The following ZBTB47 variants were observed in gnomAD, a reference collection of about 807,000 sequenced individuals.
ZBTB47 encodes zinc finger and BTB domain-containing protein 47.
ZBTB47 carries 24 observed loss-of-function variants against 56.6 expected under a neutral mutation model. That is an observed-to-expected ratio of 0.42 (90% confidence interval 0.31 to 0.60). The LOEUF is 0.60. Among genes scored for constraint, ZBTB47 ranks in the 20% least tolerant of loss-of-function variants. The pLI is 0.14. For missense variants in ZBTB47, 829 were observed against 1,032.6 expected (o/e 0.80, Z 2.70); for synonymous variants, 414 against 418.9 (o/e 0.99, Z 0.14).
At chr3:42,661,819 G>C (rs996355323) in intron 3 of ZBTB47, among the ~76,000 whole-genome samples, 187 bp downstream of exon 3, 1 of 152,266 alleles carries the variant, frequency 6.6e-6, no homozygotes, top group Non-Finnish European at 1.5e-5. Flanking sequence ...GCCAGGGCTG[G>C]CATGTACAGT....
At position 42,654,590 on chromosome 3, in the gene ZBTB47, C is replaced by T; in HGVS notation, c.-82+707C>T. 1 of 793,280 alleles carries T rather than the reference C, an allele frequency of 1.3e-6. No individual in the cohort carries two copies. Among genetic ancestry groups the T allele is most frequent in the Non-Finnish European group, 1.5e-6 (1 of 655,986 alleles). The allele number at this position is 793,280 out of a possible 1,614,324, so 49.1% of individuals were successfully genotyped here. ...GGGGCCATGGTCGCGGGGCCCTGCG[C>T]GGGGGCGGCCCCCAGCGCGGCGCTT... On this transcript the variant is annotated intron_variant, in intron 1 of 5. Coordinates refer to ENST00000232974, the MANE Select transcript of ZBTB47 (RefSeq NM_145166.4). The surrounding 1 kb of genome is among the most constrained non-coding windows in gnomAD (Gnocchi z 5.0).
rs945256654 is a variant in ZBTB47, at chr3:42,665,748, C to G, written c.*1150C>G. 2 of 152,764 alleles carry G rather than the reference C, an allele frequency of 1.3e-5. No individual in the cohort carries two copies. The highest frequency in any genetic ancestry group is 1.3e-4 in the Admixed American group (2 of 15,294). The allele number at this position is 152,764 out of a possible 1,614,324, so 9.5% of individuals were successfully genotyped here. On this transcript the variant is annotated 3_prime_UTR_variant, in exon 6 of 6. Coordinates refer to ENST00000232974, the MANE Select transcript of ZBTB47 (RefSeq NM_145166.4). The stretch of plus-strand genomic sequence containing the variant: ...ATAGCACTGCCGGTAAAGGAGCCTG[C>G]ATGTTCAGGCCCCTCGGGGGATTGG...
rs1710668944 is a variant in ZBTB47, at chr3:42,658,686, G to A, written c.331G>A (p.Ala111Thr). 18 of 1,536,254 alleles carry A rather than the reference G, an allele frequency of 1.2e-5. No homozygotes were observed. Among genetic ancestry groups the A allele is most frequent in the East Asian group, 4.9e-5 (2 of 40,906 alleles). Residue 111 changes from alanine to threonine, a missense_variant, in exon 2 of 6, where the codon GCC (alanine) becomes ACC (threonine). Ala to Thr is a moderately conservative substitution (Grantham distance 58). Transcript: ENST00000232974. ...TGCGTCCTGCCAAGAGCTGCTGGAC[G>A]CCCGCTCTCTAGGCCCACCAGGTCC... ...IAASCQELLD[A>T]RSLGPPGPGT...
chr3:42,661,649 G>A lies in ZBTB47; in HGVS notation c.1621+17G>A, dbSNP rs2125838163. 3 of 1,612,984 alleles carry A rather than the reference G, an allele frequency of 1.9e-6. No homozygotes were observed. In the South Asian group the frequency reaches 3.3e-5, roughly 18 times the overall value. On this transcript the variant is annotated intron_variant, in intron 3 of 5. Coordinates refer to ENST00000232974, the MANE Select transcript of ZBTB47 (RefSeq NM_145166.4). ...ACATGGTTGGTAAGTCTGGGCCACTGGGGGATGGAGCCAGAGGATAGAGAT... is the reference window on the plus strand; with the variant it reads ...ACATGGTTGGTAAGTCTGGGCCACTAGGGGATGGAGCCAGAGGATAGAGAT...
intron 3 of ZBTB47, among the ~76,000 whole-genome samples, chr3:42,662,046 T>C (rs569616122): frequency 1.3e-5 from 2 of 152,332 alleles, no homozygotes; most frequent in African/African-American, 4.8e-5. Flanking sequence ...CTTTCTTACC[T>C]TCTGGTCCTC....
chr3:42,664,409 C>T lies in ZBTB47; in HGVS notation c.2055C>T (p.Val685=), dbSNP rs1330381826. 1 of 1,579,214 alleles carries T rather than the reference C, an allele frequency of 6.3e-7. No homozygotes were observed. The highest frequency in any genetic ancestry group is 8.6e-7 in the Non-Finnish European group (1 of 1,164,658). ...LKAHKEKCFR[V]SHTLAGDGVP... ...CCCACAAGGAGAAGTGCTTCCGCGT[C>T]AGCCACACCCTGGCCGGCGACGGCG... The change falls in exon 6 of 6, where the codon GTC becomes GTT. Residue 685 remains valine (V), a synonymous_variant. Transcript: ENST00000232974.
rs986185757 is a variant in ZBTB47 at position 42,656,040 on chromosome 3, C to G, written c.-82+2157C>G. 6.6e-6 allele frequency among the ~76,000 whole-genome samples: 1 copy of G among 152,212 alleles called. No homozygotes were observed. Among genetic ancestry groups the G allele is most frequent in the African/African-American group, 2.4e-5 (1 of 41,458 alleles). ...AGGGAGAGCAGAGAGATCTGGGGCT[C>G]TGTTGCCTGGGGTGGACTTCCCCCA... On this transcript the variant is annotated intron_variant, in intron 1 of 5. Transcript: ENST00000232974. The surrounding 1 kb of genome is among the most constrained non-coding windows in gnomAD (Gnocchi z 5.8).
rs566901805 is a variant in ZBTB47, at chr3:42,657,345, C to A, written c.-81-930C>A. On this transcript the variant is annotated intron_variant, in intron 1 of 5. Transcript: ENST00000232974. ...GCCTGTGGACATGGACCGTACCTGA[C>A]CTGGGGTCTGGGGGTCTACCGGGAA... Among the ~76,000 whole-genome samples the A allele has an allele frequency of 8.5e-5, 13 of 152,350 alleles. No individual in the cohort carries two copies. In the South Asian group the frequency reaches 2.7e-3, roughly 32 times the overall value.
Position 42,659,270 on chromosome 3 carries a change from GGAA to G in ZBTB47, c.918_920del (p.Glu307del). ...GCAGTGGACGGGAGGAGGAGGAGGA[GGAA>G]GAGGGTGGCAGTCAGGGAGAAGAGG... On this transcript the variant is annotated inframe_deletion, in exon 2 of 6. Coordinates refer to ENST00000232974, the MANE Select transcript of ZBTB47 (RefSeq NM_145166.4). 1 of 1,494,956 alleles carries G rather than the reference GGAA, an allele frequency of 6.7e-7. No homozygotes were observed. The highest frequency in any genetic ancestry group is 9.0e-7 in the Non-Finnish European group (1 of 1,111,078). 92.6% of individuals were successfully genotyped at this position (1,494,956 alleles called of 1,614,324 possible).
Position 42,658,763 on chromosome 3 carries a change from G to A in ZBTB47, c.408G>A (p.Pro136=), listed in dbSNP as rs754277654. The A allele has an allele frequency of 1.8e-5, 28 of 1,531,454 alleles. No homozygotes were observed. Among genetic ancestry groups the A allele is most frequent in the South Asian group, 9.6e-5 (8 of 83,356 alleles). The allele number at this position is 1,531,454 out of a possible 1,614,324, so 94.9% of individuals were successfully genotyped here. A position where few individuals can be genotyped will look rare whatever the true frequency, so the allele number is the denominator to read the frequency against. ...QPAASCTPAA[P]PYYCDIKQEA... is the part of the protein sequence containing the mutation. ...CTGCCAGCTGCACTCCAGCTGCGCC[G>A]CCCTACTACTGTGACATCAAGCAGG... Residue 136 remains proline (P), a synonymous_variant, in exon 2 of 6, where the codon CCG becomes CCA. Transcript: ENST00000232974.
At chr3:42,661,399 CTG>C (rs1418167249) in intron 2 of ZBTB47, 84 bp from the exon 3 acceptor site, 4 of 1,479,214 alleles carry the variant, frequency 2.7e-6, no homozygotes, top group Non-Finnish European at 2.7e-6. Flanking sequence ...AGTGGGAAAA[CTG>C]AGGCCAGACG....
Position 42,664,580 on chromosome 3 carries a change from G to T in ZBTB47, c.2226G>T (p.Arg742Ser). Residue 742 changes from arginine to serine, a missense_variant, in exon 6 of 6, where the codon AGG (arginine) becomes AGT (serine). Around this residue, in one of 6 missense-constraint regions of ZBTB47, gnomAD observed 115 missense variants for 117.2 expected, o/e 0.98. Transcript: ENST00000232974. ...LFPTTASPGGRMNANN is the reference protein window; with the variant it reads ...LFPTTASPGGSMNANN ...CCACCACTGCCAGCCCCGGCGGGAG[G>T]ATGAACGCCAACAACTAGCTGCCGA... The T allele has an allele frequency of 7.1e-7, 1 of 1,416,038 alleles. No individual in the cohort carries two copies. The highest frequency in any genetic ancestry group is 1.5e-5 in the South Asian group (1 of 64,638). 87.7% of individuals were successfully genotyped at this position (1,416,038 alleles called of 1,614,324 possible).
chr3:42,654,795 A>T lies in ZBTB47; in HGVS notation c.-82+912A>T. ...GGGCCCGGGTGGAGGGGCTGGAGGGATCTTCCCCCCTCCCCCGGTCTCCCG... is the reference window on the plus strand; with the variant it reads ...GGGCCCGGGTGGAGGGGCTGGAGGGTTCTTCCCCCCTCCCCCGGTCTCCCG... On this transcript the variant is annotated intron_variant, in intron 1 of 5. Transcript: ENST00000232974. This position sits in a 1 kb window ranked among gnomAD's most constrained non-coding sequence, Gnocchi z 5.0. 1.4e-6 allele frequency: 1 copy of T among 736,592 alleles called. No individual in the cohort carries two copies. The highest frequency in any genetic ancestry group is 6.1e-5 in the South Asian group (1 of 16,494). The allele number at this position is 736,592 out of a possible 1,614,324, so 45.6% of individuals were successfully genotyped here.
Position 42,667,327 on chromosome 3 carries a change from G to A in ZBTB47, c.*2729G>A, listed in dbSNP as rs1176409291. Reference sequence around the variant, plus strand: ...GGGGCTCTCTGGTCTCAGGCCAGCTGGCGATGGGTGGCTAGAGTGATGAAC... The same window carrying A: ...GGGGCTCTCTGGTCTCAGGCCAGCTAGCGATGGGTGGCTAGAGTGATGAAC... On this transcript the variant is annotated 3_prime_UTR_variant, in exon 6 of 6. Coordinates refer to ENST00000232974, the MANE Select transcript of ZBTB47 (RefSeq NM_145166.4). Among the ~76,000 whole-genome samples the A allele has an allele frequency of 6.6e-6, 1 of 152,216 alleles. No homozygotes were observed. Among genetic ancestry groups the A allele is most frequent in the East Asian group, 1.9e-4 (1 of 5,176 alleles).
chr3:42,658,299 T>G lies in ZBTB47; in HGVS notation c.-57T>G. The G allele has an allele frequency of 6.7e-7, 1 of 1,483,346 alleles. No homozygotes were observed. Among genetic ancestry groups the G allele is most frequent in the Non-Finnish European group, 8.9e-7 (1 of 1,119,798 alleles). 91.9% of individuals were successfully genotyped at this position (1,483,346 alleles called of 1,614,324 possible). A position where few individuals can be genotyped will look rare whatever the true frequency, so the allele number is the denominator to read the frequency against. On this transcript the variant is annotated 5_prime_UTR_variant, in exon 2 of 6. Transcript: ENST00000232974. ...GTTGCTGGTTGAGAAGACAACTGAC[T>G]CCCCGGCGGCTGAGTTCTCGCTGGT... is the stretch of plus-strand genomic sequence containing the variant.
At position 42,654,477 on chromosome 3, in the gene ZBTB47, C is replaced by T. The variant is rs1410918603; in HGVS notation, c.-82+594C>T. ...TCCAATCGGCGCCCCGCGCCCCCCG[C>T]CCGCCGCGCCCGAGGCTCTGGGGCC... is the stretch of plus-strand genomic sequence containing the variant. On this transcript the variant is annotated intron_variant, in intron 1 of 5. Transcript: ENST00000232974. The surrounding 1 kb of genome is among the most constrained non-coding windows in gnomAD (Gnocchi z 5.0). 6.5e-6 allele frequency: 1 copy of T among 153,462 alleles called. No individual in the cohort carries two copies. Among genetic ancestry groups the T allele is most frequent in the Non-Finnish European group, 1.4e-5 (1 of 70,874 alleles). The allele number at this position is 153,462 out of a possible 1,614,324, so 9.5% of individuals were successfully genotyped here.
At position 42,659,848 on chromosome 3, in the gene ZBTB47, G is replaced by A; in HGVS notation, c.1473+20G>A. On this transcript the variant is annotated intron_variant, in intron 2 of 5. Coordinates refer to ENST00000232974, the MANE Select transcript of ZBTB47 (RefSeq NM_145166.4). Reference sequence around the variant, plus strand: ...ATCCAGGTGGGCCTCACGTGGCTGGGGGCAGGGCAGAGGCTGTCCAGGTGG... The same window carrying A: ...ATCCAGGTGGGCCTCACGTGGCTGGAGGCAGGGCAGAGGCTGTCCAGGTGG... 3 of 1,579,980 alleles carry A rather than the reference G, an allele frequency of 1.9e-6. No homozygotes were observed. Among genetic ancestry groups the A allele is most frequent in the Non-Finnish European group, 2.6e-6 (3 of 1,161,654 alleles).
chr3:42,654,809 C>T lies in ZBTB47; in HGVS notation c.-82+926C>T. On this transcript the variant is annotated intron_variant, in intron 1 of 5. Transcript: ENST00000232974. The surrounding 1 kb of genome is among the most constrained non-coding windows in gnomAD (Gnocchi z 5.0). Reference sequence around the variant, plus strand: ...GGGCTGGAGGGATCTTCCCCCCTCCCCCGGTCTCCCGGCTCCATCTGCTGG... The same window carrying T: ...GGGCTGGAGGGATCTTCCCCCCTCCTCCGGTCTCCCGGCTCCATCTGCTGG... 6.7e-6 allele frequency: 4 copies of T among 597,436 alleles called. No homozygotes were observed. Among genetic ancestry groups the T allele is most frequent in the Non-Finnish European group, 8.4e-6 (4 of 475,030 alleles). The allele number at this position is 597,436 out of a possible 1,614,324, so 37.0% of individuals were successfully genotyped here.
intron 3 of ZBTB47, 143 bp from the exon 4 acceptor site, chr3:42,662,869 G>C: frequency 1.7e-6 from 1 of 605,324 alleles, no homozygotes; most frequent in Non-Finnish European, 3.0e-6. Flanking sequence ...CTGGGAATCA[G>C]CACAGGTCCT....
Sources: gnomAD v4.1 joint callset for allele counts (sites outside exome capture counted in the v4.1 genomes callset) on GRCh38, gnomAD v4.1.1 for gene constraint, gnomAD v4.1.1 regional missense constraint, Gnocchi (gnomAD v3.1) non-coding constraint, MANE v1.5 for transcripts, NCBI Gene and HGNC (gene_info 2026-07-23, HGNC 2026-07-21) for gene names.